Variants in MYO1E observed in about 807,000 individuals in gnomAD.
MYO1E encodes the protein unconventional myosin-Ie.
In MYO1E, 68 loss-of-function variants were observed where a neutral mutation model predicts 151.1. The ratio of observed to expected loss-of-function variants is 0.45; its 90% confidence interval spans 0.37 to 0.55. The LOEUF is 0.55. MYO1E is among the 20% of genes least tolerant of loss of function. The pLI is 0.00. For missense variants in MYO1E, 1,363 were observed against 1,389.3 expected (o/e 0.98, Z 0.30); for synonymous variants, 601 against 501.7 (o/e 1.20, Z -2.64).
chr15:59,205,344 T>C (rs1225399776), intron 15 of MYO1E, 56 bp downstream of exon 15: 1 of 1,538,916 alleles, frequency 6.5e-7, no homozygotes, highest in Non-Finnish European at 9.0e-7. Flanking sequence ...TTTGTTTTCA[T>C]ATTGAAAATT....
intron 4 of MYO1E, among the ~76,000 whole-genome samples, chr15:59,240,356 G>C (rs2080092458): frequency 6.6e-6 from 1 of 152,104 alleles, no homozygotes; most frequent in Non-Finnish European, 1.5e-5. Flanking sequence ...AATTCAAATA[G>C]GAAGTATTGT....
chr15:59,272,007 T>C (rs2080291622), intron 2 of MYO1E, among the ~76,000 whole-genome samples: 1 of 152,262 alleles, frequency 6.6e-6, no homozygotes, highest in South Asian at 2.1e-4. Context: ...CCAAGTGATA[T>C]AAACATACAA....
chr15:59,199,502 T>C lies in MYO1E; in HGVS notation c.1698+2824A>G, dbSNP rs150135810. 6.3e-3 allele frequency among the ~76,000 whole-genome samples: 961 copies of C among 152,252 alleles called. 7 individuals carry two copies. The highest frequency in any genetic ancestry group is 0.01 in the Non-Finnish European group (705 of 68,000). ...CAGAGGAAATGCTCATTGGAGCATT[T>C]CAGGATTTGAGATGCTCAACCTGTA... On this transcript the variant is annotated intron_variant, in intron 16 of 27. Coordinates refer to ENST00000288235, the MANE Select transcript of MYO1E (RefSeq NM_004998.4).
intron 16 of MYO1E, among the ~76,000 whole-genome samples, chr15:59,201,519 C>A (rs1309177986): frequency 6.6e-6 from 1 of 151,744 alleles, no homozygotes; most frequent in South Asian, 2.1e-4. Flanking sequence ...ATTCTCCTGC[C>A]TCAGCCTCCT....
chr15:59,365,218 C>T (rs1460203347), intron 1 of MYO1E, among the ~76,000 whole-genome samples: 1 of 151,886 alleles, frequency 6.6e-6, no homozygotes, highest in African/African-American at 2.4e-5. Flanking sequence ...AGGGTTTCAC[C>T]ATGTTGGCCA....
In MYO1E at chr15:59,372,591, G is replaced by C; in HGVS notation, c.-91C>G. Reference sequence around the variant, plus strand: ...GTCTTCTGGGCGAACTTCAAAAGTTGGTTCCCCTCGCCAAAAACAGGCTCC... The same window carrying C: ...GTCTTCTGGGCGAACTTCAAAAGTTCGTTCCCCTCGCCAAAAACAGGCTCC... On this transcript the variant is annotated 5_prime_UTR_variant, in exon 1 of 28. Coordinates refer to ENST00000288235, the MANE Select transcript of MYO1E (RefSeq NM_004998.4). 1.3e-6 allele frequency: 2 copies of C among 1,484,378 alleles called. No individual in the cohort carries two copies. Among genetic ancestry groups the C allele is most frequent in the Admixed American group, 2.1e-5 (1 of 47,896 alleles). The allele number at this position is 1,484,378 out of a possible 1,614,324, so 92.0% of individuals were successfully genotyped here. A position where few individuals can be genotyped will look rare whatever the true frequency, so the allele number is the denominator to read the frequency against.
intron 14 of MYO1E, among the ~76,000 whole-genome samples, chr15:59,205,889 G>A (rs1292049600): frequency 2.0e-5 from 3 of 152,146 alleles, no homozygotes; most frequent in Non-Finnish European, 4.4e-5. Context: ...AGCCCCTCAT[G>A]CTCAGTAATT....
At chr15:59,178,681 C>T in intron 18 of MYO1E, 144 bp from the exon 19 acceptor site, 3 of 1,106,464 alleles carry the variant, frequency 2.7e-6, no homozygotes, top group Admixed American at 5.5e-5. Context: ...TTCGAAGGCT[C>T]AGGCGTGGAC....
In MYO1E at chr15:59,152,353, A is replaced by C. The variant is rs114896195; in HGVS notation, c.3080+1237T>G. On this transcript the variant is annotated intron_variant, in intron 26 of 27. Transcript: ENST00000288235. ...TCATACCTCCTGATCCTCATTTGAA[A>C]CTTCTCCATGGTGCTGGAGACAGGA... is the stretch of plus-strand genomic sequence containing the variant. 8.8e-3 allele frequency among the ~76,000 whole-genome samples: 1,345 copies of C among 152,250 alleles called. 24 individuals are homozygous for C. Among genetic ancestry groups the C allele is most frequent in the African/African-American group, 0.031 (1,275 of 41,550 alleles).
At chr15:59,203,705 G>A (rs530139506) in intron 15 of MYO1E, among the ~76,000 whole-genome samples, 2 of 152,310 alleles carry the variant, frequency 1.3e-5, no homozygotes, top group African/African-American at 4.8e-5. Flanking sequence ...TGCTATTTGA[G>A]CTGCATGTGT....
chr15:59,310,496 G>C (rs2140410105), intron 1 of MYO1E, among the ~76,000 whole-genome samples: 1 of 152,282 alleles, frequency 6.6e-6, no homozygotes, highest in East Asian at 1.9e-4. Flanking sequence ...GATGGAGGCA[G>C]AGATTGGGGC....
At chr15:59,253,560 A>C (rs1277348043) in intron 4 of MYO1E, among the ~76,000 whole-genome samples, 1 of 146,494 alleles carries the variant, frequency 6.8e-6, no homozygotes, top group African/African-American at 2.5e-5. Flanking sequence ...CAGCTCACTG[A>C]AAACTCTGCT....
At chr15:59,216,691 T>TACACACACAC (rs199582846) in intron 10 of MYO1E, among the ~76,000 whole-genome samples, 76 of 56,530 alleles carry the variant, frequency 1.3e-3, no homozygotes, top group East Asian at 3.1e-3. Flanking sequence ...TATATACACA[T>TACACACACAC]ACACACACAC....
chr15:59,265,582 A>G (rs2080248303), intron 2 of MYO1E, among the ~76,000 whole-genome samples: 1 of 152,136 alleles, frequency 6.6e-6, no homozygotes, highest in South Asian at 2.1e-4. Flanking sequence ...TGAAATGAAG[A>G]GGGAAATTTG....
At position 59,224,836 on chromosome 15, in the gene MYO1E, A is replaced by C; in HGVS notation, c.643-13T>G. On this transcript the variant is annotated splice_polypyrimidine_tract_variant and intron_variant, in intron 7 of 27. Coordinates refer to ENST00000288235, the MANE Select transcript of MYO1E (RefSeq NM_004998.4). ...CGCCCTCGATGAGCTGGAGCAAGAG[A>C]ACACAGGTTGAGCCATGATGTGGAC... is the stretch of plus-strand genomic sequence containing the variant. The C allele has an allele frequency of 6.2e-7, 1 of 1,614,156 alleles. No homozygotes were observed. Among genetic ancestry groups the C allele is most frequent in the Admixed American group, 1.7e-5 (1 of 60,022 alleles).
intron 1 of MYO1E, among the ~76,000 whole-genome samples, chr15:59,289,581 G>A (rs1160072795): frequency 6.6e-6 from 1 of 152,198 alleles, no homozygotes; most frequent in African/African-American, 2.4e-5. Context: ...GTCTGCTTAT[G>A]GGAAGAAAGT....
chr15:59,353,601 C>CA (rs2080837104), intron 1 of MYO1E, among the ~76,000 whole-genome samples: 1 of 149,798 alleles, frequency 6.7e-6, no homozygotes, highest in South Asian at 2.1e-4. Context: ...ACTAAAAATA[C>CA]AAAAAAATAG....
chr15:59,246,115 T>G (rs1364744881), intron 4 of MYO1E, among the ~76,000 whole-genome samples: 1 of 152,142 alleles, frequency 6.6e-6, no homozygotes, highest in African/African-American at 2.4e-5. Flanking sequence ...TTTTTAAATT[T>G]TTAATCTTTT....
At chr15:59,198,101 A>C (rs56108450) in intron 16 of MYO1E, among the ~76,000 whole-genome samples, 71,517 of 152,064 alleles carry the variant, frequency 0.47, 19,324 homozygotes, top group Non-Finnish European at 0.63. Flanking sequence ...CCTGGCCTCA[A>C]GCAATCTTCC....
Sources: gnomAD v4.1 joint callset for allele counts (sites outside exome capture counted in the v4.1 genomes callset) on GRCh38, gnomAD v4.1.1 for gene constraint, MANE v1.5 for transcripts, NCBI Gene and HGNC (gene_info 2026-07-23, HGNC 2026-07-21) for gene names.